Variants in KDM6A observed in about 807,000 individuals in gnomAD.
KDM6A encodes the protein lysine-specific demethylase 6A.
In KDM6A, 11 loss-of-function variants were observed where a neutral mutation model predicts 117.6. That is an observed-to-expected ratio of 0.09 (90% CI 0.06 to 0.15). KDM6A has a LOEUF of 0.15. Ranked by LOEUF, KDM6A falls within the 10% of genes least tolerant of loss-of-function variation. KDM6A has a pLI of 1.00. For missense variants in KDM6A, 799 were observed against 1,077.3 expected, an observed-to-expected ratio of 0.74 and a Z score of 3.62; for synonymous variants, 384 against 396.1, an observed-to-expected ratio of 0.97 and a Z score of 0.36.
At chrX:44,876,339 T>A (rs1437771783) in intron 2 of KDM6A, among the ~76,000 whole-genome samples, 1 of 112,086 alleles carries the variant, frequency 8.9e-6, no homozygotes, top group Non-Finnish European at 1.9e-5. Flanking sequence ...AATTGGGTTC[T>A]GAATGAAGTG....
Position 45,063,762 on chromosome X carries a change from A to C in KDM6A, c.2024A>C (p.Asn675Thr), listed in dbSNP as rs760145252. 182 of 1,204,695 alleles carry C rather than the reference A, an allele frequency of 1.5e-4. No individual in the cohort carries two copies. Among genetic ancestry groups the C allele is most frequent in the Non-Finnish European group, 1.9e-4 (170 of 892,421 alleles). ...CTCACTCTACCTCATAACCGCACAA[A>C]CCTGACCAGCAGCGCAGAGGAGCCG... ...NALTLPHNRT[N>T]LTSSAEEPWK... is the part of the protein sequence containing the mutation. The change falls in exon 17 of 30, where the codon AAC (asparagine) becomes ACC (threonine). Residue 675 changes from asparagine to threonine, a missense_variant. Coordinates refer to ENST00000611820, the MANE Select transcript of KDM6A (RefSeq NM_001291415.2).
chrX:44,906,539 A>G (rs1389352041), intron 2 of KDM6A, among the ~76,000 whole-genome samples: 1 of 110,990 alleles, frequency 9.0e-6, no homozygotes, highest in African/African-American at 3.3e-5. Context: ...GTTTAGAGGT[A>G]GAACCAATTC....
At chrX:45,078,917 A>G (rs2045262606) in intron 20 of KDM6A, among the ~76,000 whole-genome samples, 1 of 110,472 alleles carries the variant, frequency 9.1e-6, no homozygotes, top group Non-Finnish European at 1.9e-5. Context: ...GTCCTTTCAC[A>G]CTTAATTCTT....
At chrX:45,012,723 T>C (rs1446743530) in intron 5 of KDM6A, among the ~76,000 whole-genome samples, 1 of 111,825 alleles carries the variant, frequency 8.9e-6, no homozygotes, top group East Asian at 2.8e-4. Context: ...GAGGAGGCTT[T>C]ATACATGGAT....
At chrX:45,014,053 G>A (rs1175543641) in intron 5 of KDM6A, among the ~76,000 whole-genome samples, 4 of 111,715 alleles carry the variant, frequency 3.6e-5, no homozygotes, top group Admixed American at 9.5e-5. Flanking sequence ...TCAGCATGAA[G>A]AATCTGCCTA....
intron 2 of KDM6A, among the ~76,000 whole-genome samples, chrX:44,881,665 A>G (rs1206897031): frequency 1.9e-5 from 2 of 105,564 alleles, no homozygotes; most frequent in East Asian, 2.9e-4. Context: ...TGCTTTTTGT[A>G]ATTTTCTCTG....
intron 2 of KDM6A, among the ~76,000 whole-genome samples, chrX:44,948,905 T>C (rs1328259439): frequency 3.6e-5 from 4 of 111,979 alleles, no homozygotes; most frequent in African/African-American, 1.3e-4. Flanking sequence ...AAGCTTAAAT[T>C]GTGCTTTTAA....
At chrX:45,040,726 A>AC (rs1478842722) in intron 8 of KDM6A, among the ~76,000 whole-genome samples, 429 of 38,782 alleles carry the variant, frequency 0.011, 11 homozygotes, top group Middle Eastern at 0.025. Flanking sequence ...CGGGGGGCTG[A>AC]CCCCCCCACC....
In KDM6A at chrX:44,987,149, G is replaced by C. The variant is rs375326745; in HGVS notation, c.384+12434G>C. 2.4e-3 allele frequency among the ~76,000 whole-genome samples: 265 copies of C among 111,522 alleles called. 5 individuals are homozygous for C. The South Asian group carries it at 0.058, about 24-fold the overall frequency. ...GTTAGCTCTTCTTGTTGAATTGATC[G>C]CTTTACCATTATGTAATGGCCTTGT... is the stretch of plus-strand genomic sequence containing the variant. On this transcript the variant is annotated intron_variant, in intron 4 of 29. Transcript: ENST00000611820.
At chrX:44,966,518 G>A (rs1338108688) in intron 3 of KDM6A, among the ~76,000 whole-genome samples, 3 of 110,964 alleles carry the variant, frequency 2.7e-5, no homozygotes, top group African/African-American at 9.9e-5. Flanking sequence ...TTTTGGAAGG[G>A]AGGGCATGTG....
At chrX:44,875,983 C>T (rs1041701014) in intron 2 of KDM6A, among the ~76,000 whole-genome samples, 1 of 111,705 alleles carries the variant, frequency 9.0e-6, no homozygotes, top group African/African-American at 3.3e-5. Context: ...TTCAAATATT[C>T]TTGGCAAGTT....
intron 4 of KDM6A, among the ~76,000 whole-genome samples, chrX:44,979,158 A>G (rs921285396): frequency 8.9e-6 from 1 of 112,300 alleles, no homozygotes; most frequent in Non-Finnish European, 1.9e-5. Context: ...CAAGGTGGTT[A>G]TACCATTTTA....
At chrX:44,988,988 A>G (rs949041339) in intron 4 of KDM6A, among the ~76,000 whole-genome samples, 16 of 109,309 alleles carry the variant, frequency 1.5e-4, no homozygotes, top group African/African-American at 4.7e-4. Context: ...TTGTTTGGCT[A>G]TGCCCTGCCC....
At chrX:45,087,872 G>A (rs1476144264) in intron 25 of KDM6A, among the ~76,000 whole-genome samples, 1 of 112,007 alleles carries the variant, frequency 8.9e-6, no homozygotes, top group Admixed American at 9.4e-5. Context: ...TGTGAAAGTA[G>A]TACTTGCTTC....
chrX:44,914,577 A>G lies in KDM6A; in HGVS notation c.225+40590A>G, dbSNP rs143983993. Among the ~76,000 whole-genome samples the G allele has an allele frequency of 2.8e-3, 315 of 111,222 alleles. 1 individual carries two copies. Among genetic ancestry groups the G allele is most frequent in the African/African-American group, 1.0e-2 (305 of 30,558 alleles). On this transcript the variant is annotated intron_variant, in intron 2 of 29. Coordinates refer to ENST00000611820, the MANE Select transcript of KDM6A (RefSeq NM_001291415.2). ...ATGTTACTATTAGGTTGTGGATTCT[A>G]GGTATTCTTTGGGATGTTTCTTTTT...
intron 18 of KDM6A, 144 bp from the exon 19 acceptor site, chrX:45,076,553 T>A: frequency 2.2e-6 from 1 of 457,657 alleles, no homozygotes; most frequent in South Asian, 3.5e-5. Flanking sequence ...TCTTAGTGTT[T>A]TTCCTGATGG....
At chrX:45,038,520 G>T (rs1381768282) in intron 8 of KDM6A, among the ~76,000 whole-genome samples, 4 of 108,446 alleles carry the variant, frequency 3.7e-5, no homozygotes, top group African/African-American at 1.4e-4. Flanking sequence ...GGTTTTGTGT[G>T]TGTTGATTAA....
At chrX:44,972,032 C>T (rs1370697375) in intron 3 of KDM6A, among the ~76,000 whole-genome samples, 1 of 110,214 alleles carries the variant, frequency 9.1e-6, no homozygotes, top group Non-Finnish European at 1.9e-5. Flanking sequence ...TTGGCAATAC[C>T]AAGAAGCTTT....
At chrX:45,023,393 C>T (rs1456956840) in intron 6 of KDM6A, among the ~76,000 whole-genome samples, 1 of 111,062 alleles carries the variant, frequency 9.0e-6, no homozygotes, top group Non-Finnish European at 1.9e-5. Flanking sequence ...GTAGGGCCTC[C>T]TGTTGTGTTT....
Sources: allele counts gnomAD v4.1 joint callset (sites outside exome capture counted in the v4.1 genomes callset), GRCh38; gene constraint gnomAD v4.1.1; transcripts MANE v1.5; gene names NCBI Gene and HGNC (gene_info 2026-07-23, HGNC 2026-07-21).